MOB3B: variants seen among roughly 807,000 people sequenced by gnomAD.
MOB3B encodes the protein MOB kinase activator-like 2B.
MOB3B carries 7 observed loss-of-function variants against 18.7 expected under a neutral mutation model. The observed-to-expected ratio is 0.37, with a 90% CI of 0.21 to 0.70. The LOEUF (loss-of-function observed/expected upper bound fraction) is 0.70, where lower values mean the gene tolerates loss of function less well. Ranked by LOEUF, MOB3B falls within the 30% of genes least tolerant of loss-of-function variation. The pLI, the probability that MOB3B is intolerant of heterozygous loss-of-function variation, is 0.52. For synonymous variants in MOB3B, 111 were observed against 99.9 expected (o/e 1.11, Z -0.66); for missense variants, 253 against 281.3 (o/e 0.90, Z 0.72).
rs756275032 is a variant in MOB3B at position 27,404,347 on chromosome 9, C to CTTTTTTTTTTTTT, written c.419-45124_419-45112dup. ...TCTTTCTTTCTTTCCTTCTTTCTTT[C>CTTTTTTTTTTTTT]TTTTTTTTTTTTTTTTTTTTTTTTT... On this transcript the variant is annotated intron_variant, in intron 2 of 3. Transcript: ENST00000262244. 1.4e-3 allele frequency among the ~76,000 whole-genome samples: 102 copies of CTTTTTTTTTTTTT among 75,178 alleles called. 2 individuals carry two copies. Among genetic ancestry groups the CTTTTTTTTTTTTT allele is most frequent in the African/African-American group, 1.7e-3 (29 of 17,422 alleles). The allele number at this position is 75,178 out of a possible 152,430, so 49.3% of individuals were successfully genotyped here. A position where few individuals can be genotyped will look rare whatever the true frequency, so the allele number is the denominator to read the frequency against.
At chr9:27,335,478 T>C (rs1820850305) in intron 3 of MOB3B, among the ~76,000 whole-genome samples, 1 of 152,208 alleles carries the variant, frequency 6.6e-6, no homozygotes, top group South Asian at 2.1e-4. Context: ...CTTGATGTGC[T>C]GCAGGTAAAA....
chr9:27,515,525 G>A (rs1434291833), intron 1 of MOB3B, among the ~76,000 whole-genome samples: 4 of 152,168 alleles, frequency 2.6e-5, no homozygotes, highest in African/African-American at 9.7e-5. Context: ...GAATTAAAGA[G>A]AATGTATCTA....
At chr9:27,331,573 G>C (rs1820790808) in intron 3 of MOB3B, among the ~76,000 whole-genome samples, 1 of 152,220 alleles carries the variant, frequency 6.6e-6, no homozygotes, top group African/African-American at 2.4e-5. Flanking sequence ...ATCGCCCCAT[G>C]TGCTTTCATC....
intron 1 of MOB3B, chr9:27,525,021 C>T (rs1820413345): frequency 7.2e-7 from 1 of 1,384,118 alleles, no homozygotes; most frequent in East Asian, 2.3e-5. Flanking sequence ...TTCTCCTCCT[C>T]CAACTTCTTT....
At chr9:27,391,273 T>G (rs1436917141) in intron 2 of MOB3B, among the ~76,000 whole-genome samples, 1 of 152,228 alleles carries the variant, frequency 6.6e-6, no homozygotes, top group Non-Finnish European at 1.5e-5. Flanking sequence ...CAGCAGATTC[T>G]TCAGTAATAA....
chr9:27,365,364 CTTTTTTTT>C (rs55691019), intron 2 of MOB3B, among the ~76,000 whole-genome samples: 2 of 116,498 alleles, frequency 1.7e-5, no homozygotes, highest in South Asian at 6.0e-4. Flanking sequence ...TCCTTCTTCT[CTTTTTTTT>C]TTTTTTTTTT....
At chr9:27,471,673 T>A (rs1444458852) in intron 1 of MOB3B, among the ~76,000 whole-genome samples, 1 of 152,238 alleles carries the variant, frequency 6.6e-6, no homozygotes, top group Non-Finnish European at 1.5e-5. Flanking sequence ...ATTATCCAAA[T>A]AAAGCATTTG....
At chr9:27,451,878 T>C (rs970042817) in intron 2 of MOB3B, among the ~76,000 whole-genome samples, 4 of 151,378 alleles carry the variant, frequency 2.6e-5, no homozygotes, top group Non-Finnish European at 4.4e-5. Flanking sequence ...GGAAATGGAG[T>C]GTAACAGAGA....
rs549096113 is a variant in MOB3B, at chr9:27,477,431, TC to T, written c.-198-21684del. 1.6e-3 allele frequency among the ~76,000 whole-genome samples: 247 copies of T among 152,366 alleles called. 2 individuals carry two copies. The highest frequency in any genetic ancestry group is 5.5e-3 in the African/African-American group (230 of 41,596). On this transcript the variant is annotated intron_variant, in intron 1 of 3. Coordinates refer to ENST00000262244, the MANE Select transcript of MOB3B (RefSeq NM_024761.5). ...CTCTCCCATTCTCCTGCTTTAATTT[TC>T]TTCATCGCTCCAGCTGATTTTACTA...
intron 3 of MOB3B, among the ~76,000 whole-genome samples, chr9:27,355,268 TG>T (rs561654841): frequency 1.3e-5 from 2 of 151,806 alleles, no homozygotes; most frequent in South Asian, 2.1e-4. Flanking sequence ...GATGAGGTGG[TG>T]GGGGGGTCTC....
At chr9:27,352,296 A>T (rs1235981258) in intron 3 of MOB3B, among the ~76,000 whole-genome samples, 4 of 150,754 alleles carry the variant, frequency 2.7e-5, no homozygotes, top group Non-Finnish European at 4.4e-5. Context: ...TGGGAGGATC[A>T]CTTGAGCCCA....
At chr9:27,494,338 C>A (rs561024676) in intron 1 of MOB3B, among the ~76,000 whole-genome samples, 1 of 152,150 alleles carries the variant, frequency 6.6e-6, no homozygotes, top group Admixed American at 6.5e-5. Flanking sequence ...GTGACCCACA[C>A]CTATTTGCAC....
chr9:27,401,886 T>C (rs2131392771), intron 2 of MOB3B, among the ~76,000 whole-genome samples: 1 of 152,314 alleles, frequency 6.6e-6, no homozygotes, highest in Middle Eastern at 3.4e-3. Flanking sequence ...ATTTCATCCA[T>C]TACTCCACAT....
At chr9:27,425,373 CAAA>C (rs57574286) in intron 2 of MOB3B, among the ~76,000 whole-genome samples, 2 of 52,980 alleles carry the variant, frequency 3.8e-5, no homozygotes, top group Non-Finnish European at 4.5e-5. Context: ...AAAACTGTCT[CAAA>C]AAAAAAAAAA....
intron 2 of MOB3B, among the ~76,000 whole-genome samples, chr9:27,383,754 C>G (rs1354569222): frequency 6.6e-6 from 1 of 152,166 alleles, no homozygotes; most frequent in African/African-American, 2.4e-5. Flanking sequence ...GGTGCTAGCA[C>G]ACTGCATTGT....
At position 27,326,268 on chromosome 9, in the gene MOB3B, T is replaced by G. The variant is rs1188552826; in HGVS notation, c.*4319A>C. On this transcript the variant is annotated 3_prime_UTR_variant, in exon 4 of 4. Transcript: ENST00000262244. Reference sequence around the variant, plus strand: ...GTTGAGTTACATCAGTGGTCAACAATGGAGCAACAAGACTCCGTAGAGGAT... The same window carrying G: ...GTTGAGTTACATCAGTGGTCAACAAGGGAGCAACAAGACTCCGTAGAGGAT... 2.6e-6 allele frequency: 1 copy of G among 390,774 alleles called. No individual in the cohort carries two copies. Among genetic ancestry groups the G allele is most frequent in the East Asian group, 3.6e-5 (1 of 27,662 alleles). 24.2% of individuals were successfully genotyped at this position (390,774 alleles called of 1,614,324 possible).
intron 1 of MOB3B, among the ~76,000 whole-genome samples, chr9:27,516,428 T>C (rs1404307972): frequency 2.0e-5 from 3 of 151,900 alleles, no homozygotes; most frequent in Non-Finnish European, 4.4e-5. Context: ...GCCCAAAGAG[T>C]TTGACCATAC....
At chr9:27,383,238 G>A in intron 2 of MOB3B, among the ~76,000 whole-genome samples, 1 of 152,136 alleles carries the variant, frequency 6.6e-6, no homozygotes, top group East Asian at 1.9e-4. Flanking sequence ...GGGCTGTCAT[G>A]GCGATGTCAA....
chr9:27,510,103 T>A (rs1820121481), intron 1 of MOB3B, among the ~76,000 whole-genome samples: 1 of 152,204 alleles, frequency 6.6e-6, no homozygotes, highest in African/African-American at 2.4e-5. Context: ...TTTGAACACA[T>A]CTTTCTCCAG....
Sources: allele counts gnomAD v4.1 joint callset (sites outside exome capture counted in the v4.1 genomes callset), GRCh38; gene constraint gnomAD v4.1.1; transcripts MANE v1.5; gene names NCBI Gene and HGNC (gene_info 2026-07-23, HGNC 2026-07-21).